The following MAP3K19 variants were observed in gnomAD, a reference collection of about 807,000 sequenced individuals.
MAP3K19 encodes SPS1/STE20-related protein kinase YSK4.
MAP3K19 carries 91 observed loss-of-function variants against 114.4 expected under a neutral mutation model. The observed-to-expected ratio is 0.80, with a 90% CI of 0.67 to 0.95. The LOEUF (loss-of-function observed/expected upper bound fraction) is 0.95, where lower values mean the gene tolerates loss of function less well. Among genes scored for constraint, MAP3K19 ranks in the 40% least tolerant of loss-of-function variants. The pLI, the probability that MAP3K19 is intolerant of heterozygous loss-of-function variation, is 0.00. For synonymous variants in MAP3K19, 518 were observed against 530.5 expected (o/e 0.98, Z 0.32); for missense variants, 1,471 against 1,573.2 (o/e 0.94, Z 1.10).
At chr2:135,033,232 C>T (rs1229463034) in intron 2 of MAP3K19, among the ~76,000 whole-genome samples, 1 of 107,432 alleles carries the variant, frequency 9.3e-6, no homozygotes, top group Non-Finnish European at 1.7e-5. Context: ...GGCGGCTGGC[C>T]GGGCGGGGGG....
At chr2:135,007,711 T>C (rs1163138501) in intron 5 of MAP3K19, among the ~76,000 whole-genome samples, 1 of 152,168 alleles carries the variant, frequency 6.6e-6, no homozygotes, top group Non-Finnish European at 1.5e-5. Context: ...TGGTTGTCAA[T>C]GGCGGATGGG....
At chr2:134,982,343 G>T (rs1684758805) in intron 11 of MAP3K19, among the ~76,000 whole-genome samples, 1 of 133,534 alleles carries the variant, frequency 7.5e-6, no homozygotes. Context: ...CTGCCTCACA[G>T]ATTTTTTTCT....
At chr2:135,004,871 T>C (rs938110856) in intron 6 of MAP3K19, among the ~76,000 whole-genome samples, 1 of 152,062 alleles carries the variant, frequency 6.6e-6, no homozygotes, top group African/African-American at 2.4e-5. Context: ...TGGAGACACG[T>C]GTGGTTCCGG....
intron 2 of MAP3K19, among the ~76,000 whole-genome samples, chr2:135,037,691 T>C (rs1688562509): frequency 2.0e-5 from 3 of 152,264 alleles, no homozygotes; most frequent in East Asian, 1.9e-4. Context: ...CCTTGGAAGA[T>C]AGAAATAGTG....
intron 11 of MAP3K19, 150 bp from the exon 12 acceptor site, chr2:134,981,668 G>T: frequency 1.5e-6 from 1 of 648,850 alleles, no homozygotes; most frequent in Non-Finnish European, 2.6e-6. Flanking sequence ...AAGTGTTTAA[G>T]CAAATTCAGT....
intron 4 of MAP3K19, chr2:135,023,677 A>T (rs1688130734): frequency 2.4e-6 from 1 of 424,796 alleles, no homozygotes; most frequent in South Asian, 1.8e-5. Flanking sequence ...AATGTCTCCT[A>T]GACCCACCAC....
At chr2:135,021,400 A>G (rs765908740) in intron 5 of MAP3K19, among the ~76,000 whole-genome samples, 17 of 151,780 alleles carry the variant, frequency 1.1e-4, no homozygotes, top group Non-Finnish European at 2.1e-4. Context: ...GTAAGAAATA[A>G]ATTTCTGTTT....
At chr2:135,001,359 C>T (rs1686430037) in intron 6 of MAP3K19, among the ~76,000 whole-genome samples, 1 of 152,136 alleles carries the variant, frequency 6.6e-6, no homozygotes, top group Non-Finnish European at 1.5e-5. Context: ...CTGGAATAGT[C>T]CATTGTTTTT....
chr2:134,999,076 A>G lies in MAP3K19; in HGVS notation c.315-79T>C. 1 of 1,475,076 alleles carries G rather than the reference A, an allele frequency of 6.8e-7. No homozygotes were observed. Among genetic ancestry groups the G allele is most frequent in the Non-Finnish European group, 9.2e-7 (1 of 1,092,630 alleles). The allele number at this position is 1,475,076 out of a possible 1,614,324, so 91.4% of individuals were successfully genotyped here. ...TCTCCAGTCCTCAGTTCAGCCTGACATCACTAGAAAGTTTGAAGAACTACT... is the reference window on the plus strand; with the variant it reads ...TCTCCAGTCCTCAGTTCAGCCTGACGTCACTAGAAAGTTTGAAGAACTACT... On this transcript the variant is annotated intron_variant, in intron 7 of 12. Transcript: ENST00000392915. The surrounding 1 kb of genome is among the most constrained non-coding windows in gnomAD (Gnocchi z 4.1).
chr2:135,036,114 T>G (rs4953946), intron 2 of MAP3K19, among the ~76,000 whole-genome samples: 40,388 of 152,000 alleles, frequency 0.27, 7,244 homozygotes, highest in African/African-American at 0.49. Flanking sequence ...GATTACAGGT[T>G]TGAGCCACTG....
intron 6 of MAP3K19, among the ~76,000 whole-genome samples, chr2:135,002,000 C>T (rs914533697): frequency 7.2e-5 from 11 of 152,170 alleles, no homozygotes; most frequent in Non-Finnish European, 1.3e-4. Flanking sequence ...TAGAAACATA[C>T]AGATGTTCTC....
rs958005754 is a variant in MAP3K19 at position 135,019,850 on chromosome 2, G to A, written c.138+1865C>T. ...TTGTACATCTTGGGTCTCATTCCAC[G>A]GTTTTCTATGGGCTGCAATGCTTGT... On this transcript the variant is annotated intron_variant, in intron 5 of 12. Transcript: ENST00000392915. Among the ~76,000 whole-genome samples, 24 of 152,094 alleles carry A rather than the reference G, an allele frequency of 1.6e-4. 1 individual carries two copies. The highest frequency in any genetic ancestry group is 4.8e-5 in the African/African-American group (2 of 41,490).
intron 5 of MAP3K19, among the ~76,000 whole-genome samples, chr2:135,013,439 G>T (rs1020432648): frequency 4.6e-5 from 7 of 152,098 alleles, no homozygotes; most frequent in Admixed American, 6.5e-5. Flanking sequence ...ATTTGTTACA[G>T]TTGTCTGTAG....
rs1415443471 is a variant in MAP3K19, at chr2:135,005,593, G to A, written c.139-62C>T. 5 of 1,296,184 alleles carry A rather than the reference G, an allele frequency of 3.9e-6. No homozygotes were observed. The Admixed American group carries it at 5.3e-5, about 14-fold the overall frequency. 80.3% of individuals were successfully genotyped at this position (1,296,184 alleles called of 1,614,324 possible). A position where few individuals can be genotyped will look rare whatever the true frequency, so the allele number is the denominator to read the frequency against. Reference sequence around the variant, plus strand: ...TATTCGATGTACCAGTTTGTTGGCAGAGTGAATGTTGATTTTTCTGGGCTA... The same window carrying A: ...TATTCGATGTACCAGTTTGTTGGCAAAGTGAATGTTGATTTTTCTGGGCTA... On this transcript the variant is annotated intron_variant, in intron 5 of 12. Coordinates refer to ENST00000392915, the MANE Select transcript of MAP3K19 (RefSeq NM_025052.5).
chr2:135,012,894 G>GCTTT (rs373404427), intron 5 of MAP3K19, among the ~76,000 whole-genome samples: 9 of 152,160 alleles, frequency 5.9e-5, no homozygotes, highest in Admixed American at 5.2e-4. Context: ...GTATGATTAT[G>GCTTT]CTTTCTTTCT....
At chr2:134,971,084 A>G (rs1434328155) in intron 12 of MAP3K19, among the ~76,000 whole-genome samples, 1 of 152,150 alleles carries the variant, frequency 6.6e-6, no homozygotes, top group Non-Finnish European at 1.5e-5. Flanking sequence ...ATATTGAGGT[A>G]TGTTCTTTCT....
chr2:135,039,123 C>CTTTTT (rs61309665), intron 2 of MAP3K19, among the ~76,000 whole-genome samples: 1 of 112,482 alleles, frequency 8.9e-6, no homozygotes, highest in Non-Finnish European at 2.1e-5. Flanking sequence ...AATTTTCTTT[C>CTTTTT]TTTTTTTTTT....
At chr2:134,976,693 A>G (rs966045916) in intron 12 of MAP3K19, among the ~76,000 whole-genome samples, 1 of 151,998 alleles carries the variant, frequency 6.6e-6, no homozygotes, top group African/African-American at 2.4e-5. Context: ...ATGGAAATAA[A>G]TACTCTTAAA....
intron 5 of MAP3K19, among the ~76,000 whole-genome samples, chr2:135,009,320 G>A (rs72976313): frequency 0.21 from 31,360 of 151,824 alleles, 4,432 homozygotes; most frequent in African/African-American, 0.37. Context: ...TCTTATTATT[G>A]TTTGAATGTT....
Sources: allele counts gnomAD v4.1 joint callset (sites outside exome capture counted in the v4.1 genomes callset), GRCh38; gene constraint gnomAD v4.1.1; non-coding constraint Gnocchi (gnomAD v3.1); transcripts MANE v1.5; gene names NCBI Gene and HGNC (gene_info 2026-07-23, HGNC 2026-07-21).